CA10: variants seen among roughly 807,000 people sequenced by gnomAD.
CA10 encodes carbonic anhydrase 10 (inactive).
Under a neutral mutation model 44.2 loss-of-function variants are expected in CA10, and 14 were observed. The observed-to-expected ratio is 0.32, with a 90% CI of 0.21 to 0.50. The LOEUF is 0.50. CA10 is among the 20% of genes least tolerant of loss of function. The probability of loss-of-function intolerance (pLI) is 0.99; values close to 1 mark genes in which losing one functional copy is unlikely to be tolerated. For missense variants in CA10, 350 were observed against 409.7 expected (o/e 0.85, Z 1.26); for synonymous variants, 159 against 141.6 (o/e 1.12, Z -0.87).
chr17:51,831,698 A>AGCGGCAGCG, intron 3 of CA10, among the ~76,000 whole-genome samples: 28 of 81,782 alleles, frequency 3.4e-4, no homozygotes, highest in South Asian at 1.2e-3. Context: ...CAGCAGCAGC[A>AGCGGCAGCG]GCAGCAGCAG....
intron 2 of CA10, among the ~76,000 whole-genome samples, chr17:52,020,311 T>C (rs1236196528): frequency 6.6e-6 from 1 of 151,964 alleles, no homozygotes; most frequent in Admixed American, 6.6e-5. Context: ...TATATCATTG[T>C]TTTGGGGGGG....
At position 51,849,117 on chromosome 17, in the gene CA10, A is replaced by G. The variant is rs1005952741; in HGVS notation, c.279+81873T>C. On this transcript the variant is annotated intron_variant, in intron 3 of 8. Transcript: ENST00000451037. ...TATTTATGTATATATATGTGTGTGT[A>G]TATATATAAATATAAAAACTTAGTT... is the stretch of plus-strand genomic sequence containing the variant. Among the ~76,000 whole-genome samples the G allele has an allele frequency of 2.8e-5, 4 of 144,608 alleles. 1 individual carries two copies. In the South Asian group the frequency reaches 8.6e-4, roughly 31 times the overall value. The allele number at this position is 144,608 out of a possible 152,430, so 94.9% of individuals were successfully genotyped here.
Position 52,158,002 on chromosome 17 carries a change from C to A in CA10, c.-216G>T. On this transcript the variant is annotated 5_prime_UTR_variant, in exon 1 of 9. Coordinates refer to ENST00000451037, the MANE Select transcript of CA10 (RefSeq NM_020178.5). ...TCCCCTCGGGCTCGACGGATGTGCG[C>A]CCCAGATGTGCTGACACATGTCCGA... The A allele has an allele frequency of 1.7e-6, 1 of 604,046 alleles. No individual in the cohort carries two copies. Among genetic ancestry groups the A allele is most frequent in the Non-Finnish European group, 3.0e-6 (1 of 335,568 alleles). The allele number at this position is 604,046 out of a possible 1,614,324, so 37.4% of individuals were successfully genotyped here.
At chr17:51,938,056 A>G (rs565367416) in intron 2 of CA10, among the ~76,000 whole-genome samples, 2 of 152,238 alleles carry the variant, frequency 1.3e-5, no homozygotes, top group Admixed American at 1.3e-4. Flanking sequence ...TCTCCCATAC[A>G]GCTATTATTC....
intron 2 of CA10, among the ~76,000 whole-genome samples, chr17:52,061,178 G>C (rs1987374947): frequency 6.6e-6 from 1 of 152,144 alleles, no homozygotes; most frequent in African/African-American, 2.4e-5. Flanking sequence ...TTACGATGGG[G>C]AGATCATCCT....
At chr17:52,001,370 C>G (rs1385799657) in intron 2 of CA10, among the ~76,000 whole-genome samples, 3 of 151,870 alleles carry the variant, frequency 2.0e-5, no homozygotes, top group Non-Finnish European at 4.4e-5. Flanking sequence ...GACAGAAAGC[C>G]TATATTGATT....
intron 4 of CA10, among the ~76,000 whole-genome samples, chr17:51,710,563 G>T (rs1915903744): frequency 1.3e-5 from 2 of 152,058 alleles, no homozygotes; most frequent in South Asian, 4.2e-4. Flanking sequence ...CTTTGCCTGG[G>T]GTGTTACCAC....
intron 3 of CA10, among the ~76,000 whole-genome samples, chr17:51,864,273 G>T (rs1249041903): frequency 1.3e-5 from 2 of 152,128 alleles, no homozygotes; most frequent in African/African-American, 2.4e-5. Context: ...ATGACATAGG[G>T]ATAATGATTA....
At chr17:51,772,469 C>T (rs544803102) in intron 3 of CA10, among the ~76,000 whole-genome samples, 2 of 152,048 alleles carry the variant, frequency 1.3e-5, no homozygotes, top group Admixed American at 6.6e-5. Context: ...ATATATATCC[C>T]TAACATTTCA....
chr17:51,717,810 C>T (rs59337764), intron 4 of CA10, among the ~76,000 whole-genome samples: 5 of 14,148 alleles, frequency 3.5e-4, no homozygotes, highest in Non-Finnish European at 5.2e-4. Flanking sequence ...TATATATATA[C>T]ACGTATATAT....
At chr17:51,846,929 G>A (rs1978520788) in intron 3 of CA10, among the ~76,000 whole-genome samples, 1 of 152,138 alleles carries the variant, frequency 6.6e-6, no homozygotes, top group Non-Finnish European at 1.5e-5. Context: ...CTAAATAAAT[G>A]TTAATGTAAT....
At position 51,933,108 on chromosome 17, in the gene CA10, C is replaced by T. The variant is rs113228094; in HGVS notation, c.137-1976G>A. Among the ~76,000 whole-genome samples the T allele has an allele frequency of 6.0e-3, 906 of 152,228 alleles. 5 individuals are homozygous for T. The highest frequency in any genetic ancestry group is 0.021 in the African/African-American group (862 of 41,534). On this transcript the variant is annotated intron_variant, in intron 2 of 8. Transcript: ENST00000451037. ...AGTGGCCCTTGGTAAGTCATGTGTC[C>T]CTTGGACCTTCTTCATGGTTCCTGT...
At chr17:51,650,836 T>C (rs1030082410) in intron 5 of CA10, among the ~76,000 whole-genome samples, 1 of 152,208 alleles carries the variant, frequency 6.6e-6, no homozygotes, top group Non-Finnish European at 1.5e-5. Flanking sequence ...TTAAAAATAA[T>C]TGAAAAATTT....
chr17:51,787,196 C>G lies in CA10; in HGVS notation c.280-39378G>C, dbSNP rs567423098. On this transcript the variant is annotated intron_variant, in intron 3 of 8. Coordinates refer to ENST00000451037, the MANE Select transcript of CA10 (RefSeq NM_020178.5). ...GGTAATACTGGCCTCATAGAATGAA[C>G]TTGGAAGTATTCCCTTCTCCATTTT... is the stretch of plus-strand genomic sequence containing the variant. 5.3e-5 allele frequency among the ~76,000 whole-genome samples: 8 copies of G among 152,252 alleles called. No individual in the cohort carries two copies. In the East Asian group the frequency reaches 1.2e-3, roughly 22 times the overall value.
At chr17:51,911,447 T>G (rs1981786856) in intron 3 of CA10, among the ~76,000 whole-genome samples, 1 of 152,190 alleles carries the variant, frequency 6.6e-6, no homozygotes, top group African/African-American at 2.4e-5. Context: ...AAATGATTCA[T>G]TCTGCATAGC....
At chr17:52,035,232 G>A (rs1049086328) in intron 2 of CA10, among the ~76,000 whole-genome samples, 1 of 152,090 alleles carries the variant, frequency 6.6e-6, no homozygotes, top group Non-Finnish European at 1.5e-5. Flanking sequence ...CAGCAGAGAG[G>A]AGGAGCAGCT....
At chr17:51,817,277 C>A (rs959795532) in intron 3 of CA10, among the ~76,000 whole-genome samples, 4 of 152,194 alleles carry the variant, frequency 2.6e-5, no homozygotes, top group African/African-American at 9.7e-5. Context: ...CACTGGAATG[C>A]AGCCACACCC....
intron 4 of CA10, among the ~76,000 whole-genome samples, chr17:51,668,380 G>A (rs1035390696): frequency 6.6e-6 from 1 of 152,222 alleles, no homozygotes; most frequent in African/African-American, 2.4e-5. Context: ...GCATCTTCCT[G>A]CCCACTTCCT....
intron 3 of CA10, among the ~76,000 whole-genome samples, chr17:51,874,471 C>A: frequency 6.6e-6 from 1 of 151,440 alleles, no homozygotes; most frequent in Non-Finnish European, 1.5e-5. Flanking sequence ...AAATTTGTTT[C>A]CCAGGCAATA....
Sources: gnomAD v4.1 joint callset for allele counts (sites outside exome capture counted in the v4.1 genomes callset) on GRCh38, gnomAD v4.1.1 for gene constraint, MANE v1.5 for transcripts, NCBI Gene and HGNC (gene_info 2026-07-23, HGNC 2026-07-21) for gene names.